WDPCP: variants seen among roughly 807,000 people sequenced by gnomAD.
The protein encoded by WDPCP is WD repeat containing planar cell polarity effector, also known as WD repeat-containing and planar cell polarity effector protein fritz homolog.
A neutral mutation model predicts 93.1 loss-of-function variants in WDPCP; 71 were observed. The observed-to-expected ratio is 0.76, with a 90% confidence interval of 0.63 to 0.93. The LOEUF (loss-of-function observed/expected upper bound fraction) is 0.93. Among genes scored for constraint, WDPCP ranks in the 40% least tolerant of loss-of-function variants. The probability of loss-of-function intolerance (pLI) is 0.00; values close to 1 mark genes in which losing one functional copy is unlikely to be tolerated. For synonymous variants in WDPCP, 315 were observed against 315.0 expected, an observed-to-expected ratio of 1.00 and a Z score of 0.00; for missense variants, 844 against 887.4, an observed-to-expected ratio of 0.95 and a Z score of 0.62.
At chr2:63,609,270 G>A (rs1234539274) in intron 3 of WDPCP, among the ~76,000 whole-genome samples, 1 of 151,978 alleles carries the variant, frequency 6.6e-6, no homozygotes, top group African/African-American at 2.4e-5. Flanking sequence ...AGGAGGCTGA[G>A]GCAGGAGAAT....
chr2:63,435,600 T>A lies in WDPCP; in HGVS notation c.634-1664A>T, dbSNP rs570489696. ...GTGACTGACATTTTCAGTTGTCACA[T>A]AATGCAAATCACTTACGTTATGAAA... On this transcript the variant is annotated intron_variant, in intron 8 of 17. Transcript: ENST00000272321. Among the ~76,000 whole-genome samples, 6 of 152,264 alleles carry A rather than the reference T, an allele frequency of 3.9e-5. No individual in the cohort carries two copies. The South Asian group carries it at 1.0e-3, about 26-fold the overall frequency.
intron 9 of WDPCP, among the ~76,000 whole-genome samples, chr2:63,414,472 T>TACAC (rs146569752): frequency 0.2 from 29,635 of 148,664 alleles, 2,894 homozygotes; most frequent in Middle Eastern, 0.23. Context: ...CACACACATA[T>TACAC]ACACACACAC....
chr2:63,828,170 T>C (rs934948205), upstream of WDPCP, among the ~76,000 whole-genome samples: 4 of 152,084 alleles, frequency 2.6e-5, no homozygotes, highest in Non-Finnish European at 5.9e-5. Context: ...ATTTACTTTT[T>C]TTTTTTTTCA....
At chr2:63,736,648 G>T (rs938392538) in intron 2 of WDPCP, among the ~76,000 whole-genome samples, 1 of 152,200 alleles carries the variant, frequency 6.6e-6, no homozygotes, top group African/African-American at 2.4e-5. Context: ...CAGGAAAGGA[G>T]TGGCTATCTC....
chr2:63,308,765 G>A (rs943596513), intron 13 of WDPCP, among the ~76,000 whole-genome samples: 8 of 152,186 alleles, frequency 5.3e-5, no homozygotes, highest in Admixed American at 2.6e-4. Context: ...CTAGGGGAGA[G>A]ACAGCATTAG....
chr2:63,684,429 T>A, intron 2 of WDPCP: 3 of 846,452 alleles, frequency 3.5e-6, no homozygotes, highest in East Asian at 2.5e-5. Flanking sequence ...CAGCCACCTC[T>A]GGTGGCTGGA....
At chr2:63,763,316 C>T (rs536754944) in intron 2 of WDPCP, among the ~76,000 whole-genome samples, 5 of 151,896 alleles carry the variant, frequency 3.3e-5, no homozygotes, top group African/African-American at 1.2e-4. Flanking sequence ...CCAGCCTGGC[C>T]GATATAGTGA....
chr2:63,377,262 G>T (rs1691921008), intron 12 of WDPCP, among the ~76,000 whole-genome samples: 1 of 151,532 alleles, frequency 6.6e-6, no homozygotes, highest in South Asian at 2.1e-4. Flanking sequence ...AAAAAAATAA[G>T]AGAATATACA....
intron 2 of WDPCP, among the ~76,000 whole-genome samples, chr2:63,734,574 G>C (rs999213506): frequency 6.6e-6 from 1 of 152,078 alleles, no homozygotes; most frequent in Non-Finnish European, 1.5e-5. Flanking sequence ...TCACTTCACT[G>C]GATTAAAACT....
intron 1 of WDPCP, among the ~76,000 whole-genome samples, chr2:63,522,098 T>G (rs950135392): frequency 2.0e-5 from 3 of 152,040 alleles, no homozygotes; most frequent in Non-Finnish European, 4.4e-5. Flanking sequence ...GCTTGTTACA[T>G]AGGTATACAC....
intron 1 of WDPCP, among the ~76,000 whole-genome samples, chr2:63,561,983 C>T (rs1706663265): frequency 6.6e-6 from 1 of 152,110 alleles, no homozygotes; most frequent in Admixed American, 6.5e-5. Flanking sequence ...AGATCTAGAA[C>T]CAGAAATACC....
chr2:63,637,353 C>CA (rs1324561028), intron 3 of WDPCP, among the ~76,000 whole-genome samples: 21 of 74,854 alleles, frequency 2.8e-4, no homozygotes, highest in South Asian at 4.4e-4. Context: ...CTCCGTCTCA[C>CA]AAAAAAAAAG....
chr2:63,548,248 C>G (rs1168900317), intron 1 of WDPCP, among the ~76,000 whole-genome samples: 1 of 151,694 alleles, frequency 6.6e-6, no homozygotes, highest in African/African-American at 2.4e-5. Context: ...CATGAAAATA[C>G]TAACAAAAAG....
chr2:63,657,709 C>T (rs533252446), intron 2 of WDPCP, among the ~76,000 whole-genome samples: 1 of 152,228 alleles, frequency 6.6e-6, no homozygotes, highest in East Asian at 1.9e-4. Context: ...TTCCTGAAAA[C>T]ATTCAGTGCA....
chr2:63,339,966 T>C lies in WDPCP; in HGVS notation c.1749-26655A>G, dbSNP rs1214557485. ...TATTGAAATAATCATATGTTTTTTG[T>C]TATTTATTCTGTTAATGTGATATAC... is the stretch of plus-strand genomic sequence containing the variant. On this transcript the variant is annotated intron_variant, in intron 12 of 17. Coordinates refer to ENST00000272321, the MANE Select transcript of WDPCP (RefSeq NM_015910.7). 2.6e-5 allele frequency among the ~76,000 whole-genome samples: 4 copies of C among 152,184 alleles called. No homozygotes were observed. In the East Asian group the frequency reaches 7.7e-4, roughly 29 times the overall value.
chr2:63,624,049 T>C lies in WDPCP; in HGVS notation n.488+26610A>G, dbSNP rs555467631. Among the ~76,000 whole-genome samples the C allele has an allele frequency of 3.7e-3, 557 of 152,258 alleles. 3 individuals carry two copies. Among genetic ancestry groups the C allele is most frequent in the Non-Finnish European group, 5.5e-3 (371 of 68,020 alleles). Reference sequence around the variant, plus strand: ...AGAAACTCACTCAAAACTGCACAACTACATGGACACTAAACAACCTGCTCC... The same window carrying C: ...AGAAACTCACTCAAAACTGCACAACCACATGGACACTAAACAACCTGCTCC... On this transcript the variant is annotated intron_variant and non_coding_transcript_variant, in intron 3 of 4. Coordinates refer to the WDPCP transcript ENST00000467687.
intron 1 of WDPCP, among the ~76,000 whole-genome samples, chr2:63,494,713 G>A (rs1701114791): frequency 6.6e-6 from 1 of 152,080 alleles, no homozygotes; most frequent in South Asian, 2.1e-4. Context: ...AAGGTCAGGA[G>A]ATCGAGACCA....
At chr2:63,415,941 G>A (rs1695384286) in intron 9 of WDPCP, among the ~76,000 whole-genome samples, 1 of 152,104 alleles carries the variant, frequency 6.6e-6, no homozygotes, top group Non-Finnish European at 1.5e-5. Flanking sequence ...AAGTTTGGAA[G>A]GGGAAGTTCT....
At chr2:63,462,853 G>A (rs920783761) in intron 6 of WDPCP, among the ~76,000 whole-genome samples, 9 of 152,114 alleles carry the variant, frequency 5.9e-5, no homozygotes, top group Non-Finnish European at 1.0e-4. Context: ...ATTGGGAATG[G>A]TGGAAGAGGA....
Sources: allele counts gnomAD v4.1 joint callset (sites outside exome capture counted in the v4.1 genomes callset), GRCh38; gene constraint gnomAD v4.1.1; transcripts MANE v1.5; gene names NCBI Gene and HGNC (gene_info 2026-07-23, HGNC 2026-07-21).